PDAP1: variants seen among roughly 807,000 people sequenced by gnomAD.
PDAP1 encodes the protein 28 kDa heat- and acid-stable phosphoprotein.
PDAP1 carries 13 observed loss-of-function variants against 28.0 expected under a neutral mutation model. The observed-to-expected ratio is 0.46, with a 90% CI of 0.30 to 0.74. PDAP1 has a LOEUF of 0.74. PDAP1 is among the 30% of genes least tolerant of loss of function. The pLI is 0.07. For missense variants in PDAP1, 150 were observed against 230.0 expected (o/e 0.65, Z 2.25); for synonymous variants, 77 against 85.1 (o/e 0.91, Z 0.52).
rs773085531 is a variant in PDAP1 at position 99,394,779 on chromosome 7, TA to T, written c.*1902del. On this transcript the variant is annotated 3_prime_UTR_variant, in exon 6 of 6. Transcript: ENST00000350498. ...GTGGAGGTAATAAAATGCAACTGTGTAAAAAAAAAAAAAAAAAAAAAAGTAA... is the reference window on the plus strand; with the variant it reads ...GTGGAGGTAATAAAATGCAACTGTGTAAAAAAAAAAAAAAAAAAAAAGTAA... 161,839 of 920,742 alleles carry T rather than the reference TA, an allele frequency of 0.18. 40 individuals are homozygous for T. The highest frequency in any genetic ancestry group is 0.19 in the Non-Finnish European group (144,759 of 774,644). 57.0% of individuals were successfully genotyped at this position (920,742 alleles called of 1,614,324 possible).
rs756515275 is a variant in PDAP1, at chr7:99,403,416, A to G, written c.195T>C (p.Asp65=). ...KKSLDSDESE[D]EEDDYQQKRK... is the part of the protein sequence containing the mutation. ...TCAGTACCTGGTAGTCATCTTCTTC[A>G]TCCTCACTCTCATCTGAGTCTAGAG... Residue 65 remains aspartate, a synonymous_variant, in exon 3 of 6, where the codon GAT becomes GAC. Transcript: ENST00000350498. The G allele has an allele frequency of 1.2e-6, 2 of 1,600,618 alleles. No homozygotes were observed. The highest frequency in any genetic ancestry group is 2.7e-5 in the African/African-American group (2 of 74,616).
intron 4 of PDAP1, among the ~76,000 whole-genome samples, chr7:99,399,515 CCA>C (rs1469277244): frequency 6.6e-6 from 1 of 152,164 alleles, no homozygotes; most frequent in Non-Finnish European, 1.5e-5. Context: ...TGGCAGAATA[CCA>C]CAGTGGCAGA....
At chr7:99,406,999 AATTG>A (rs1236269936) in intron 1 of PDAP1, among the ~76,000 whole-genome samples, 2 of 152,164 alleles carry the variant, frequency 1.3e-5, no homozygotes, top group Non-Finnish European at 2.9e-5. Flanking sequence ...AACAACTCAA[AATTG>A]ATTACTATAG....
intron 3 of PDAP1, among the ~76,000 whole-genome samples, chr7:99,400,923 T>A (rs1251655237): frequency 6.6e-6 from 1 of 152,136 alleles, no homozygotes; most frequent in Non-Finnish European, 1.5e-5. Context: ...TCACACACTC[T>A]ACAGGTTTGG....
At position 99,397,902 on chromosome 7, in the gene PDAP1, C is replaced by G; in HGVS notation, c.447G>C (p.Gln149His). 29 of 1,613,888 alleles carry G rather than the reference C, an allele frequency of 1.8e-5. No homozygotes were observed. The highest frequency in any genetic ancestry group is 2.4e-5 in the Non-Finnish European group (28 of 1,180,056). ...DLARLAIIRKQREEAARKKEE... is the reference protein window; with the variant it reads ...DLARLAIIRKHREEAARKKEE... ...CCTTCTTCCGGGCAGCCTCCTCCCG[C>G]TGTTTCCGGATGATGGCCAGCCGGG... The change falls in exon 5 of 6, where the codon CAG (glutamine) becomes CAC (histidine). Residue 149 changes from glutamine to histidine, a missense_variant. Physicochemically the swap from Gln to His is conservative, Grantham distance 24. Coordinates refer to ENST00000350498, the MANE Select transcript of PDAP1 (RefSeq NM_014891.7).
At position 99,394,816 on chromosome 7, in the gene PDAP1, G is replaced by A. The variant is rs553079994; in HGVS notation, c.*1866C>T. 3 of 1,231,996 alleles carry A rather than the reference G, an allele frequency of 2.4e-6. No individual in the cohort carries two copies. The highest frequency in any genetic ancestry group is 3.2e-5 in the East Asian group (1 of 31,578). The allele number at this position is 1,231,996 out of a possible 1,614,324, so 76.3% of individuals were successfully genotyped here. A position where few individuals can be genotyped will look rare whatever the true frequency, so the allele number is the denominator to read the frequency against. On this transcript the variant is annotated 3_prime_UTR_variant, in exon 6 of 6. Coordinates refer to ENST00000350498, the MANE Select transcript of PDAP1 (RefSeq NM_014891.7). ...AAAAAAAAAAAGTAATTATGGACAT[G>A]CTTGCCTATGTGGAAGGAGAGGTTT...
At chr7:99,402,918 C>A (rs1794904736) in intron 3 of PDAP1, among the ~76,000 whole-genome samples, 1 of 151,264 alleles carries the variant, frequency 6.6e-6, no homozygotes, top group African/African-American at 2.4e-5. Flanking sequence ...AAAAGAAATG[C>A]CAACCCCTTC....
chr7:99,397,727 C>T, intron 5 of PDAP1, 135 bp downstream of exon 5: 2 of 1,084,166 alleles, frequency 1.8e-6, no homozygotes. Context: ...GTGGCCCTCT[C>T]CTGAACGACC....
At chr7:99,404,736 C>G (rs1794937861) in intron 2 of PDAP1, 126 bp downstream of exon 2, 1 of 657,352 alleles carries the variant, frequency 1.5e-6, no homozygotes, top group East Asian at 2.7e-5. Flanking sequence ...GGGCTCACTG[C>G]CCGCCCGACC....
At chr7:99,407,116 C>T (rs542650514) in intron 1 of PDAP1, among the ~76,000 whole-genome samples, 1 of 152,314 alleles carries the variant, frequency 6.6e-6, no homozygotes, top group South Asian at 2.1e-4. Context: ...TTGCACTTAA[C>T]ATAATGGAAA....
intron 1 of PDAP1, chr7:99,406,663 G>A (rs1293471689): frequency 1.0e-6 from 1 of 955,404 alleles, no homozygotes. Flanking sequence ...AAGTATGCAA[G>A]GGTGGCTGTG....
At chr7:99,397,794 T>C in intron 5 of PDAP1, 68 bp downstream of exon 5, 1 of 1,574,404 alleles carries the variant, frequency 6.4e-7, no homozygotes, top group Non-Finnish European at 8.7e-7. Context: ...GGACACGAGT[T>C]CAGTGCTTTG....
At chr7:99,407,989 T>C (rs1471389467) in intron 1 of PDAP1, among the ~76,000 whole-genome samples, 1 of 152,140 alleles carries the variant, frequency 6.6e-6, no homozygotes, top group Admixed American at 6.6e-5. Context: ...GTACAATCGT[T>C]ATTCCCATTG....
rs1033411488 is a variant in PDAP1, at chr7:99,400,479, G to C, written c.214-55C>G. Reference sequence around the variant, plus strand: ...AGTTCAGGTCCTGTGGAGCCCCTGAGGGCCACTCCTGCCATCTCTCAACAG... The same window carrying C: ...AGTTCAGGTCCTGTGGAGCCCCTGACGGCCACTCCTGCCATCTCTCAACAG... On this transcript the variant is annotated intron_variant, in intron 3 of 5. Coordinates refer to ENST00000350498, the MANE Select transcript of PDAP1 (RefSeq NM_014891.7). 8.8e-5 allele frequency: 141 copies of C among 1,607,550 alleles called. No homozygotes were observed. The African/African-American group carries it at 1.8e-3, about 20-fold the overall frequency.
In PDAP1 at chr7:99,397,979, A is replaced by G; in HGVS notation, c.370T>C (p.Tyr124His). The G allele has an allele frequency of 6.2e-7, 1 of 1,614,232 alleles. No individual in the cohort carries two copies. The highest frequency in any genetic ancestry group is 2.2e-5 in the East Asian group (1 of 44,882). ...TTCCCGGCCAAGTGCATTTTCATGTAACGCTCTTTTGCCTTCTGCTTCTCA... is the reference window on the plus strand; with the variant it reads ...TTCCCGGCCAAGTGCATTTTCATGTGACGCTCTTTTGCCTTCTGCTTCTCA... ...EIEKQKAKER[Y>H]MKMHLAGKTE... is the part of the protein sequence containing the mutation. The change falls in exon 5 of 6, where the codon TAC becomes CAC. Residue 124 changes from tyrosine to histidine, a missense_variant. By Grantham distance (83) the Tyr-to-His change is moderately conservative. Coordinates refer to ENST00000350498, the MANE Select transcript of PDAP1 (RefSeq NM_014891.7).
chr7:99,400,762 A>G (rs751090381), intron 3 of PDAP1, among the ~76,000 whole-genome samples: 4 of 152,240 alleles, frequency 2.6e-5, no homozygotes, highest in East Asian at 1.9e-4. Flanking sequence ...GCAGTTTTCC[A>G]TGGAATCCCA....
At chr7:99,407,836 A>G (rs148222719) in intron 1 of PDAP1, among the ~76,000 whole-genome samples, 22 of 152,328 alleles carry the variant, frequency 1.4e-4, no homozygotes, top group Middle Eastern at 3.4e-3. Context: ...TCATGAACCT[A>G]CTTACAAGAT....
Position 99,396,616 on chromosome 7 carries a change from G to A in PDAP1, c.*66C>T. 1 of 1,384,886 alleles carries A rather than the reference G, an allele frequency of 7.2e-7. No homozygotes were observed. The highest frequency in any genetic ancestry group is 1.2e-5 in the South Asian group (1 of 86,510). The allele number at this position is 1,384,886 out of a possible 1,614,324, so 85.8% of individuals were successfully genotyped here. Reference sequence around the variant, plus strand: ...GCAGCGGCGCCAGGGCACAGGGTGGGCGAGACACAGCAGAGGTCCTGGCAG... The same window carrying A: ...GCAGCGGCGCCAGGGCACAGGGTGGACGAGACACAGCAGAGGTCCTGGCAG... On this transcript the variant is annotated 3_prime_UTR_variant, in exon 6 of 6. Coordinates refer to ENST00000350498, the MANE Select transcript of PDAP1 (RefSeq NM_014891.7).
At chr7:99,403,531 G>C in intron 2 of PDAP1, 26 bp from the exon 3 acceptor site, 1 of 1,443,764 alleles carries the variant, frequency 6.9e-7, no homozygotes, top group South Asian at 1.1e-5. Context: ...ACAACCTGCA[G>C]AATCAAAAAT....
Sources: allele counts gnomAD v4.1 joint callset (sites outside exome capture counted in the v4.1 genomes callset), GRCh38; gene constraint gnomAD v4.1.1; transcripts MANE v1.5; gene names NCBI Gene and HGNC (gene_info 2026-07-23, HGNC 2026-07-21).